SPATA13: variants seen among roughly 807,000 people sequenced by gnomAD.
The protein encoded by SPATA13 is spermatogenesis associated 13.
A neutral mutation model predicts 104.0 loss-of-function variants in SPATA13; 50 were observed. The ratio of observed to expected loss-of-function variants is 0.48; its 90% confidence interval spans 0.38 to 0.61. The LOEUF (loss-of-function observed/expected upper bound fraction) is 0.61, where lower values mean the gene tolerates loss of function less well. Among genes scored for constraint, SPATA13 ranks in the 20% least tolerant of loss-of-function variants. SPATA13 has a pLI of 0.00. For missense variants in SPATA13, 1,524 were observed against 1,690.6 expected, an observed-to-expected ratio of 0.90 and a Z score of 1.73; for synonymous variants, 606 against 667.5, an observed-to-expected ratio of 0.91 and a Z score of 1.42.
intron 3 of SPATA13, among the ~76,000 whole-genome samples, chr13:24,135,800 G>C (rs1011209937): frequency 3.9e-5 from 6 of 151,944 alleles, no homozygotes; most frequent in East Asian, 3.9e-4. Flanking sequence ...GAGGGGAACT[G>C]TAAGGAAATG....
intron 3 of SPATA13, among the ~76,000 whole-genome samples, chr13:24,086,040 G>A (rs555824383): frequency 7.3e-6 from 1 of 136,266 alleles, no homozygotes; most frequent in East Asian, 2.4e-4. Flanking sequence ...TGTTGCCAAG[G>A]TGAGTAGCAG....
At chr13:24,017,295 C>T (rs928365892) in intron 2 of SPATA13, among the ~76,000 whole-genome samples, 4 of 152,166 alleles carry the variant, frequency 2.6e-5, no homozygotes, top group South Asian at 2.1e-4. Flanking sequence ...TTTGCCTGGG[C>T]GTGCAGCAAG....
chr13:24,042,795 C>G (rs541262182), intron 3 of SPATA13, among the ~76,000 whole-genome samples: 3 of 152,332 alleles, frequency 2.0e-5, no homozygotes, highest in African/African-American at 7.2e-5. Flanking sequence ...GAATCTGCAT[C>G]TTACCAAGCT....
intron 3 of SPATA13, among the ~76,000 whole-genome samples, chr13:24,097,856 A>G (rs1880131909): frequency 6.6e-6 from 1 of 152,236 alleles, no homozygotes; most frequent in Admixed American, 6.5e-5. Flanking sequence ...CACACTCAGG[A>G]GAAACCGCGG....
intron 3 of SPATA13, among the ~76,000 whole-genome samples, chr13:24,063,265 T>C (rs1412834763): frequency 1.3e-5 from 2 of 152,172 alleles, no homozygotes; most frequent in Non-Finnish European, 2.9e-5. Context: ...TCACTAGGGA[T>C]TCATAGGAGG....
chr13:24,062,967 G>T (rs1322486866), intron 3 of SPATA13, among the ~76,000 whole-genome samples: 2 of 152,162 alleles, frequency 1.3e-5, no homozygotes, highest in East Asian at 3.9e-4. Context: ...CAGCCAAAGT[G>T]CCCCTGGGGG....
Position 24,017,702 on chromosome 13 carries a change from G to C in SPATA13, c.-112+1G>C, listed in dbSNP as rs1876781545. The C allele has an allele frequency of 1.0e-6, 1 of 985,134 alleles. No homozygotes were observed. The highest frequency in any genetic ancestry group is 1.7e-5 in the African/African-American group (1 of 57,164). The allele number at this position is 985,134 out of a possible 1,614,324, so 61.0% of individuals were successfully genotyped here. On this transcript the variant is annotated splice_donor_variant, in intron 3 of 14. Transcript: ENST00000424834. LOFTEE classifies it low-confidence loss of function (5UTR_SPLICE). ...CAAGAGTAGCTGGTGCAGAAACTCG[G>C]TAAGAAGGGCCTCGAGTCCGTTCTT...
At chr13:24,280,135 C>T (rs1265719868) in intron 4 of SPATA13, among the ~76,000 whole-genome samples, 3 of 152,198 alleles carry the variant, frequency 2.0e-5, no homozygotes, top group Non-Finnish European at 1.5e-5. Context: ...CCTCAGCCTC[C>T]CAAGTAGCTG....
At chr13:24,295,626 A>G (rs1448618711) in intron 10 of SPATA13, among the ~76,000 whole-genome samples, 1 of 151,840 alleles carries the variant, frequency 6.6e-6, no homozygotes, top group Non-Finnish European at 1.5e-5. Flanking sequence ...AAAAAAGGAA[A>G]GACCACAAAT....
chr13:24,103,580 A>T (rs1302045014), intron 3 of SPATA13, among the ~76,000 whole-genome samples: 1 of 151,898 alleles, frequency 6.6e-6, no homozygotes, highest in Non-Finnish European at 1.5e-5. Flanking sequence ...ATGGTAAAAA[A>T]TGCCTGCCAG....
chr13:24,273,616 A>G (rs1343086499), intron 4 of SPATA13, among the ~76,000 whole-genome samples: 2 of 152,252 alleles, frequency 1.3e-5, no homozygotes, highest in Non-Finnish European at 2.9e-5. Flanking sequence ...TGTCCTTGAG[A>G]AAGTCATAGC....
Position 24,303,361 on chromosome 13 carries a change from G to A in SPATA13, c.*588G>A. The A allele has an allele frequency of 8.5e-6, 2 of 236,202 alleles. No individual in the cohort carries two copies. The highest frequency in any genetic ancestry group is 1.8e-5 in the Non-Finnish European group (2 of 111,758). 14.6% of individuals were successfully genotyped at this position (236,202 alleles called of 1,614,324 possible). ...GTCCACACAGATGCTAACTGGTAGT[G>A]CAAATGTCATCCTGCAAGGTTCCTC... On this transcript the variant is annotated 3_prime_UTR_variant, in exon 13 of 13. Coordinates refer to ENST00000382108, the MANE Select transcript of SPATA13 (RefSeq NM_001166271.3).
chr13:24,271,127 G>T (rs1232193082), intron 4 of SPATA13, among the ~76,000 whole-genome samples: 1 of 151,296 alleles, frequency 6.6e-6, no homozygotes, highest in Non-Finnish European at 1.5e-5. Context: ...TCTAGTAAAG[G>T]GTGCTGAGGA....
intron 3 of SPATA13, among the ~76,000 whole-genome samples, chr13:24,058,085 C>T (rs934141646): frequency 1.3e-5 from 2 of 151,846 alleles, no homozygotes; most frequent in Non-Finnish European, 2.9e-5. Flanking sequence ...GGCCCCACAC[C>T]TGATCCCACA....
chr13:24,112,172 C>T (rs541954136), intron 3 of SPATA13, among the ~76,000 whole-genome samples: 9 of 152,216 alleles, frequency 5.9e-5, no homozygotes, highest in Admixed American at 4.6e-4. Flanking sequence ...TTCTGCCCCC[C>T]ATTCCTTCTT....
rs10571334 is a variant in SPATA13 at position 24,233,886 on chromosome 13, A to AACACAC, written c.1653+9341_1653+9346dup. ...CAGGCTACAGAACTTTATACACTTA[A>AACACAC]ACACACACACACACACACACACACA... On this transcript the variant is annotated intron_variant, in intron 2 of 12. Coordinates refer to ENST00000382108, the MANE Select transcript of SPATA13 (RefSeq NM_001166271.3). Among the ~76,000 whole-genome samples the AACACAC allele has an allele frequency of 3.6e-3, 529 of 147,668 alleles. 2 individuals are homozygous for AACACAC. The highest frequency in any genetic ancestry group is 5.9e-3 in the Non-Finnish European group (392 of 66,798).
At chr13:24,154,095 T>G (rs1882184354) in intron 3 of SPATA13, among the ~76,000 whole-genome samples, 2 of 151,912 alleles carry the variant, frequency 1.3e-5, no homozygotes, top group Non-Finnish European at 2.9e-5. Flanking sequence ...CTTCTACCAC[T>G]TGTGGGAGTG....
At chr13:24,253,442 A>G (rs1388216307) in intron 4 of SPATA13, among the ~76,000 whole-genome samples, 1 of 147,716 alleles carries the variant, frequency 6.8e-6, no homozygotes, top group East Asian at 1.9e-4. Context: ...CTCCAGTTCC[A>G]TGCAGTGCCT....
At chr13:24,122,090 C>G (rs1881048110) in intron 3 of SPATA13, 2 of 1,609,044 alleles carry the variant, frequency 1.2e-6, no homozygotes, top group Non-Finnish European at 1.7e-6. Flanking sequence ...TGCTGGGCCT[C>G]CAAAATTGAA....
Sources: gnomAD v4.1 joint callset for allele counts (sites outside exome capture counted in the v4.1 genomes callset) on GRCh38, gnomAD v4.1.1 for gene constraint, MANE v1.5 for transcripts, NCBI Gene and HGNC (gene_info 2026-07-23, HGNC 2026-07-21) for gene names.